Variants in MAGEB10 observed in about 807,000 individuals in gnomAD.
MAGEB10 encodes MAGE family member B10.
For synonymous variants in MAGEB10, 99 were observed against 101.0 expected, an observed-to-expected ratio of 0.98 and a Z score of 0.12; for missense variants, 190 against 261.9, an observed-to-expected ratio of 0.73 and a Z score of 1.89.
At chrX:27,816,230 G>A (rs1053776641) in intron 1 of MAGEB10, among the ~76,000 whole-genome samples, 1 of 110,609 alleles carries the variant, frequency 9.0e-6, no homozygotes, top group East Asian at 2.9e-4. Flanking sequence ...TTTTCAGGTC[G>A]GTTTCATAAT....
At chrX:27,820,092 C>T (rs976864362) in intron 2 of MAGEB10, among the ~76,000 whole-genome samples, 4 of 110,664 alleles carry the variant, frequency 3.6e-5, no homozygotes, top group Non-Finnish European at 5.7e-5. Flanking sequence ...AGATAAGAGT[C>T]CCAGGCCCTA....
At chrX:27,817,330 T>G (rs1440857235) in intron 1 of MAGEB10, among the ~76,000 whole-genome samples, 1 of 110,374 alleles carries the variant, frequency 9.1e-6, no homozygotes, top group Admixed American at 9.8e-5. Context: ...TGCCAAAAAT[T>G]CTAATACAGA....
In MAGEB10 at chrX:27,822,521, C is replaced by T; in HGVS notation, c.*171C>T. On this transcript the variant is annotated 3_prime_UTR_variant, in exon 3 of 3. Coordinates refer to ENST00000356790, the MANE Select transcript of MAGEB10 (RefSeq NM_182506.3). ...TTCCTTTAATAGATGGTTAAAGTAG[C>T]TTCACTATCTAAGTTTATGAATGAC... The T allele has an allele frequency of 2.2e-6, 1 of 458,437 alleles. No homozygotes were observed. Among genetic ancestry groups the T allele is most frequent in the African/African-American group, 2.4e-5 (1 of 41,359 alleles). The allele number at this position is 458,437 out of a possible 1,213,427, so 37.8% of individuals were successfully genotyped here.
chrX:27,822,174 G>A lies in MAGEB10; in HGVS notation c.868G>A (p.Glu290Lys). 8.3e-7 allele frequency: 1 copy of A among 1,211,902 alleles called. No individual in the cohort carries two copies. Among genetic ancestry groups the A allele is most frequent in the Non-Finnish European group, 1.1e-6 (1 of 895,592 alleles). Residue 290 changes from glutamate to lysine, a missense_variant, in exon 3 of 3, where the codon GAG (glutamate) becomes AAG (lysine). Coordinates refer to ENST00000356790, the MANE Select transcript of MAGEB10 (RefSeq NM_182506.3). The part of the protein sequence containing the change: ...HAETSKMKVL[E>K]FLAKVNDTAP... Reference sequence around the variant, plus strand: ...TGAAACCAGCAAGATGAAAGTTCTTGAGTTTTTGGCCAAGGTAAATGATAC... The same window carrying A: ...TGAAACCAGCAAGATGAAAGTTCTTAAGTTTTTGGCCAAGGTAAATGATAC...
At chrX:27,819,339 G>A (rs1023002706) in intron 2 of MAGEB10, among the ~76,000 whole-genome samples, 7 of 111,273 alleles carry the variant, frequency 6.3e-5, no homozygotes, top group Admixed American at 9.5e-5. Context: ...TCAGCACTGG[G>A]TCCCATATGG....
intron 1 of MAGEB10, among the ~76,000 whole-genome samples, chrX:27,811,426 C>T (rs1015031824): frequency 9.0e-6 from 1 of 111,690 alleles, no homozygotes; most frequent in African/African-American, 3.3e-5. Context: ...GATTCCCCCT[C>T]AATTTCTTGT....
intron 1 of MAGEB10, among the ~76,000 whole-genome samples, chrX:27,813,264 G>A (rs1224183023): frequency 2.7e-5 from 3 of 112,055 alleles, no homozygotes; most frequent in South Asian, 3.7e-4. Context: ...TAAAAAAGCA[G>A]TAAAATAGTT....
Position 27,822,347 on chromosome X carries a change from G to T in MAGEB10, c.1041G>T (p.Gln347His). 1 of 1,200,678 alleles carries T rather than the reference G, an allele frequency of 8.3e-7. No individual in the cohort carries two copies. The change falls in exon 3 of 3, where the codon CAG becomes CAT. Residue 347 changes from glutamine to histidine, a missense_variant. Coordinates refer to ENST00000356790, the MANE Select transcript of MAGEB10 (RefSeq NM_182506.3). Reference protein sequence around the residue: ...KVKSSKSSQLQ With the variant: ...KVKSSKSSQLH Reference sequence around the variant, plus strand: ...AGTCCAGCAAGTCCTCCCAACTGCAGTAAAGTCTGAGGGAGATTCTTCATT... The same window carrying T: ...AGTCCAGCAAGTCCTCCCAACTGCATTAAAGTCTGAGGGAGATTCTTCATT...
intron 2 of MAGEB10, 31 bp from the exon 3 acceptor site, chrX:27,821,227 G>A: frequency 1.1e-6 from 1 of 878,521 alleles, no homozygotes; most frequent in South Asian, 2.4e-5. Flanking sequence ...CTGCTGAATG[G>A]GCACACCCCA....
In MAGEB10 at chrX:27,822,115, G is replaced by A. The variant is rs1046927265; in HGVS notation, c.809G>A (p.Arg270His). Reference protein sequence around the residue: ...YQQVPNSDPPRYQFLWGPRAH... With the variant: ...YQQVPNSDPPHYQFLWGPRAH... ...CAAGTGCCCAACAGTGATCCTCCAC[G>A]CTATCAATTCCTATGGGGCCCAAGA... Residue 270 changes from arginine (R) to histidine (H), a missense_variant, in exon 3 of 3, where the codon CGC becomes CAC. Transcript: ENST00000356790. 8.3e-7 allele frequency: 1 copy of A among 1,211,971 alleles called. No individual in the cohort carries two copies. Among genetic ancestry groups the A allele is most frequent in the Non-Finnish European group, 1.1e-6 (1 of 895,574 alleles).
intron 1 of MAGEB10, among the ~76,000 whole-genome samples, chrX:27,816,018 C>T (rs950630539): frequency 1.8e-5 from 2 of 111,298 alleles, no homozygotes; most frequent in Non-Finnish European, 3.8e-5. Context: ...CATATTTTCT[C>T]CAGGCCTGTG....
chrX:27,812,755 T>C, intron 1 of MAGEB10: 1 of 368,435 alleles, frequency 2.7e-6, no homozygotes, highest in South Asian at 2.6e-5. Flanking sequence ...CTAGAGTTTT[T>C]GGCCAAGATC....
chrX:27,813,281 A>G (rs1414074741), intron 1 of MAGEB10, among the ~76,000 whole-genome samples: 1 of 111,628 alleles, frequency 9.0e-6, no homozygotes, highest in African/African-American at 3.3e-5. Flanking sequence ...AGTTGGGATG[A>G]AGAAATAGAG....
chrX:27,815,054 A>T (rs774614115), intron 1 of MAGEB10, among the ~76,000 whole-genome samples: 1 of 111,146 alleles, frequency 9.0e-6, no homozygotes, highest in Non-Finnish European at 1.9e-5. Context: ...GTTCTTTGGG[A>T]GCTGATTTTG....
chrX:27,821,356 A>T lies in MAGEB10; in HGVS notation c.50A>T (p.Gln17Leu). The T allele has an allele frequency of 3.3e-6, 4 of 1,211,613 alleles. No individual in the cohort carries two copies. Among genetic ancestry groups the T allele is most frequent in the East Asian group, 5.9e-5 (2 of 33,815 alleles). ...SKLRAREKRR[Q>L]ARGGLEDLID... ...CTCCGTGCCAGGGAAAAACGCCGTC[A>T]GGCCCGAGGAGGGCTGGAAGATTTG... is the stretch of plus-strand genomic sequence containing the variant. Residue 17 changes from glutamine to leucine, a missense_variant, in exon 3 of 3, where the codon CAG becomes CTG. By Grantham distance (113) the Gln-to-Leu change is moderately radical (BLOSUM62 -2). Coordinates refer to ENST00000356790, the MANE Select transcript of MAGEB10 (RefSeq NM_182506.3).
In MAGEB10 at chrX:27,822,376, G is replaced by A. The variant is rs374629585; in HGVS notation, c.*26G>A. On this transcript the variant is annotated 3_prime_UTR_variant, in exon 3 of 3. Transcript: ENST00000356790. ...AGTCTGAGGGAGATTCTTCATTTGT[G>A]TTTGAAAAGAAATGCACATTCTGAG... The A allele has an allele frequency of 5.1e-6, 6 of 1,167,895 alleles. No individual in the cohort carries two copies. The highest frequency in any genetic ancestry group is 1.8e-5 in the African/African-American group (1 of 56,064).
intron 1 of MAGEB10, among the ~76,000 whole-genome samples, chrX:27,815,514 A>C (rs1194488059): frequency 8.9e-6 from 1 of 112,244 alleles, no homozygotes; most frequent in African/African-American, 3.2e-5. Context: ...TGTAGAAAGC[A>C]GATGAAGTTA....
At chrX:27,810,662 G>C (rs1010991699) in intron 1 of MAGEB10, among the ~76,000 whole-genome samples, 4 of 111,100 alleles carry the variant, frequency 3.6e-5, no homozygotes, top group Admixed American at 9.5e-5. Flanking sequence ...GGAGTCTTTG[G>C]GGGTAACCAG....
intron 1 of MAGEB10, among the ~76,000 whole-genome samples, chrX:27,810,386 G>A (rs2079752323): frequency 9.0e-6 from 1 of 111,699 alleles, no homozygotes. Context: ...CACTCACCAC[G>A]AGGGTCCGCA....
Sources: gnomAD v4.1 joint callset for allele counts (sites outside exome capture counted in the v4.1 genomes callset) on GRCh38, gnomAD v4.1.1 for gene constraint, MANE v1.5 for transcripts, NCBI Gene and HGNC (gene_info 2026-07-23, HGNC 2026-07-21) for gene names.